The following PRKN variants were observed in gnomAD, a reference collection of about 807,000 sequenced individuals.
The protein encoded by PRKN is E3 ubiquitin-protein ligase parkin.
In PRKN, 56 loss-of-function variants were observed where a neutral mutation model predicts 59.5. The observed-to-expected ratio is 0.94, with a 90% CI of 0.76 to 1.18. The LOEUF (loss-of-function observed/expected upper bound fraction) is 1.18, where lower values mean the gene tolerates loss of function less well. Ranked by LOEUF, PRKN falls within the 50% of genes most tolerant of loss-of-function variation. PRKN has a pLI of 0.00. For missense variants in PRKN, 657 were observed against 596.4 expected (o/e 1.10, Z -1.06); for synonymous variants, 250 against 222.1 (o/e 1.13, Z -1.12).
At chr6:162,336,384 G>A (rs1196810558) in intron 2 of PRKN, among the ~76,000 whole-genome samples, 13 of 152,070 alleles carry the variant, frequency 8.5e-5, no homozygotes, top group Admixed American at 7.2e-4. Flanking sequence ...GGAATGTCTG[G>A]GTAATGGAGA....
rs76470816 is a variant in PRKN at position 161,699,201 on chromosome 6, A to T, written c.871+86571T>A. Among the ~76,000 whole-genome samples, 347 of 152,244 alleles carry T rather than the reference A, an allele frequency of 2.3e-3. 11 individuals are homozygous for T. The East Asian group carries it at 0.059, about 26-fold the overall frequency. ...CTATTAGAATAAAACCAAAATTTAA[A>T]ACATGAAGCATATCAAGTGTTGAGA... On this transcript the variant is annotated intron_variant, in intron 7 of 11. Transcript: ENST00000366898.
intron 7 of PRKN, among the ~76,000 whole-genome samples, chr6:161,586,114 C>A (rs752906590): frequency 4.6e-5 from 7 of 152,162 alleles, no homozygotes; most frequent in Non-Finnish European, 1.0e-4. Flanking sequence ...CTCCTGGGAG[C>A]AATCCTCCCT....
chr6:161,485,639 T>C (rs964780194), intron 9 of PRKN, among the ~76,000 whole-genome samples: 2 of 152,174 alleles, frequency 1.3e-5, no homozygotes, highest in Non-Finnish European at 2.9e-5. Flanking sequence ...GAGAAGCTTC[T>C]ACTTGTGATG....
chr6:161,959,903 A>G (rs1226390680), intron 6 of PRKN, among the ~76,000 whole-genome samples: 2 of 152,226 alleles, frequency 1.3e-5, no homozygotes, highest in Non-Finnish European at 2.9e-5. Context: ...CAGTCAGACA[A>G]TGAAATCGGT....
chr6:161,917,167 A>G (rs1778597795), intron 6 of PRKN, among the ~76,000 whole-genome samples: 1 of 151,492 alleles, frequency 6.6e-6, no homozygotes, highest in Admixed American at 6.6e-5. Context: ...GTGCAATGAC[A>G]CGATCTCGGC....
At chr6:162,492,958 A>G (rs79425097) in intron 1 of PRKN, among the ~76,000 whole-genome samples, 1 of 7,496 alleles carries the variant, frequency 1.3e-4, no homozygotes, top group Non-Finnish European at 3.2e-4. Flanking sequence ...GTCTCAAACA[A>G]AAAAAAAAAA....
chr6:162,658,609 C>T (rs575121348), intron 1 of PRKN, among the ~76,000 whole-genome samples: 2 of 135,630 alleles, frequency 1.5e-5, no homozygotes, highest in East Asian at 2.2e-4. Context: ...TGCAGTGAGC[C>T]GAGACAGTGC....
At chr6:161,916,601 C>T (rs995092883) in intron 6 of PRKN, among the ~76,000 whole-genome samples, 3 of 152,090 alleles carry the variant, frequency 2.0e-5, no homozygotes, top group Non-Finnish European at 4.4e-5. Context: ...CCTCTTTAAG[C>T]TAAAATTGGC....
intron 3 of PRKN, among the ~76,000 whole-genome samples, chr6:162,238,117 G>C (rs1203111814): frequency 1.3e-5 from 2 of 152,042 alleles, no homozygotes; most frequent in Non-Finnish European, 2.9e-5. Context: ...ATATGTGTTT[G>C]GTATTTTAAA....
At chr6:162,658,924 C>T (rs1428822061) in intron 1 of PRKN, among the ~76,000 whole-genome samples, 3 of 151,980 alleles carry the variant, frequency 2.0e-5, no homozygotes, top group African/African-American at 4.8e-5. Context: ...AACAAGTCCA[C>T]GTCTTACCGA....
intron 7 of PRKN, among the ~76,000 whole-genome samples, chr6:161,573,913 C>T (rs1233492740): frequency 6.7e-6 from 1 of 150,112 alleles, no homozygotes. Flanking sequence ...AAATAAGAAA[C>T]ACAATTTTAA....
Position 161,390,970 on chromosome 6 carries a change from T to C in PRKN, c.1084-4093A>G, listed in dbSNP as rs1363737290. ...TGGCCTAGAAATACCGTGAAAAATG[T>C]ACTGAACCGCTAAGGGCATGGGGAA... On this transcript the variant is annotated intron_variant, in intron 9 of 11. Transcript: ENST00000366898. This position sits in a 1 kb window ranked among gnomAD's most constrained non-coding sequence, Gnocchi z 7.0. 1.3e-5 allele frequency among the ~76,000 whole-genome samples: 2 copies of C among 152,138 alleles called. No individual in the cohort carries two copies. Among genetic ancestry groups the C allele is most frequent in the Non-Finnish European group, 2.9e-5 (2 of 68,032 alleles).
At chr6:162,391,807 C>CT (rs927240997) in intron 2 of PRKN, among the ~76,000 whole-genome samples, 5 of 152,260 alleles carry the variant, frequency 3.3e-5, no homozygotes, top group African/African-American at 1.2e-4. Flanking sequence ...AAGTTTCACA[C>CT]TTTTTTAACA....
At chr6:162,350,751 T>TTTA (rs1562693091) in intron 2 of PRKN, among the ~76,000 whole-genome samples, 1 of 152,138 alleles carries the variant, frequency 6.6e-6, no homozygotes, top group Non-Finnish European at 1.5e-5. Flanking sequence ...CTTTATGACC[T>TTTA]TGGGTTAAGA....
chr6:162,286,521 A>G (rs1781201283), intron 2 of PRKN, among the ~76,000 whole-genome samples: 1 of 152,176 alleles, frequency 6.6e-6, no homozygotes, highest in Admixed American at 6.5e-5. Flanking sequence ...AAAATTTATC[A>G]TGTGGGATTA....
At chr6:162,394,461 G>C (rs1787373775) in intron 2 of PRKN, among the ~76,000 whole-genome samples, 1 of 152,260 alleles carries the variant, frequency 6.6e-6, no homozygotes, top group South Asian at 2.1e-4. Context: ...CATCCACCTA[G>C]TCACTACTAC....
At chr6:162,719,543 G>GA (rs36120953) in intron 1 of PRKN, among the ~76,000 whole-genome samples, 133,941 of 151,090 alleles carry the variant, frequency 0.89, 59,511 homozygotes, top group Admixed American at 0.96. Context: ...TGTTTCAATG[G>GA]AAAAAAAAAA....
intron 1 of PRKN, among the ~76,000 whole-genome samples, chr6:162,673,427 A>T (rs2128230751): frequency 6.6e-6 from 1 of 152,306 alleles, no homozygotes; most frequent in Non-Finnish European, 1.5e-5. Flanking sequence ...TTTTTAAAAC[A>T]GGGTCTGGCT....
At chr6:161,437,707 T>C (rs936126430) in intron 9 of PRKN, among the ~76,000 whole-genome samples, 3 of 152,306 alleles carry the variant, frequency 2.0e-5, no homozygotes, top group Non-Finnish European at 4.4e-5. Context: ...CGTATATTAA[T>C]GTGTTCCTGA....
Sources: allele counts gnomAD v4.1 joint callset (sites outside exome capture counted in the v4.1 genomes callset), GRCh38; gene constraint gnomAD v4.1.1; non-coding constraint Gnocchi (gnomAD v3.1); transcripts MANE v1.5; gene names NCBI Gene and HGNC (gene_info 2026-07-23, HGNC 2026-07-21).